SLC25A48: variants seen among roughly 807,000 people sequenced by gnomAD.
The protein encoded by SLC25A48 is solute carrier family 25 member 48.
Under a neutral mutation model 32.2 loss-of-function variants are expected in SLC25A48, and 29 were observed. That is an observed-to-expected ratio of 0.90 (90% CI 0.67 to 1.23). The LOEUF (loss-of-function observed/expected upper bound fraction) is 1.23. SLC25A48 is among the 50% of genes most tolerant of loss of function. The pLI is 0.00. For missense variants in SLC25A48, 399 were observed against 422.7 expected (o/e 0.94, Z 0.49); for synonymous variants, 164 against 172.3 (o/e 0.95, Z 0.38).
intron 1 of SLC25A48, among the ~76,000 whole-genome samples, chr5:135,588,442 C>T (rs1344918023): frequency 6.6e-6 from 1 of 152,220 alleles, no homozygotes; most frequent in Non-Finnish European, 1.5e-5. Flanking sequence ...TGCTGAGTGC[C>T]TGCTCTGTGC....
chr5:135,733,505 G>A (rs1755282007), intron 3 of SLC25A48, among the ~76,000 whole-genome samples: 1 of 152,202 alleles, frequency 6.6e-6, no homozygotes, highest in Non-Finnish European at 1.5e-5. Flanking sequence ...CATCAGGTGG[G>A]AGGAAGAAAA....
intron 3 of SLC25A48, among the ~76,000 whole-genome samples, chr5:135,766,644 G>T (rs1454591605): frequency 6.9e-6 from 1 of 144,134 alleles, no homozygotes; most frequent in Non-Finnish European, 1.5e-5. Flanking sequence ...TAATATCCAT[G>T]GGGGAGAGGG....
At chr5:135,750,662 G>C (rs1386409130) in intron 3 of SLC25A48, among the ~76,000 whole-genome samples, 1 of 152,130 alleles carries the variant, frequency 6.6e-6, no homozygotes, top group Non-Finnish European at 1.5e-5. Context: ...AGCACCCCCT[G>C]TATCCAATCG....
At chr5:135,787,512 GTTATA>G (rs1756879693) in intron 3 of SLC25A48, among the ~76,000 whole-genome samples, 1 of 151,970 alleles carries the variant, frequency 6.6e-6, no homozygotes, top group South Asian at 2.1e-4. Flanking sequence ...TGTATAACCT[GTTATA>G]TTATTTGTTA....
At chr5:135,788,692 G>GAGC (rs398072611) in intron 3 of SLC25A48, among the ~76,000 whole-genome samples, 2 of 150,074 alleles carry the variant, frequency 1.3e-5, no homozygotes, top group Non-Finnish European at 3.0e-5. Flanking sequence ...TAATATCCAG[G>GAGC]GGGGGAAGAG....
At chr5:135,773,554 C>A (rs76309438) in intron 3 of SLC25A48, among the ~76,000 whole-genome samples, 4,987 of 151,530 alleles carry the variant, frequency 0.033, 255 homozygotes, top group African/African-American at 0.11. Flanking sequence ...GCGATCCCCC[C>A]ACCCTGGGTA....
intron 3 of SLC25A48, among the ~76,000 whole-genome samples, chr5:135,681,043 T>G (rs186200876): frequency 6.6e-6 from 1 of 152,168 alleles, no homozygotes; most frequent in Non-Finnish European, 1.5e-5. Context: ...TAGAGTGCAA[T>G]TGCACGATCT....
chr5:135,884,089 C>A (rs906649532), intron 7 of SLC25A48, among the ~76,000 whole-genome samples: 4 of 152,192 alleles, frequency 2.6e-5, no homozygotes, highest in African/African-American at 4.8e-5. Flanking sequence ...TATTTGCCAT[C>A]CCTGGCTTAA....
chr5:135,800,338 G>T (rs1272388932), intron 3 of SLC25A48, among the ~76,000 whole-genome samples: 1 of 151,874 alleles, frequency 6.6e-6, no homozygotes, highest in Non-Finnish European at 1.5e-5. Flanking sequence ...GGGAGCAGAA[G>T]ATAATATTAT....
chr5:135,712,229 A>G (rs923751394), intron 3 of SLC25A48, among the ~76,000 whole-genome samples: 4 of 152,186 alleles, frequency 2.6e-5, no homozygotes, highest in African/African-American at 4.8e-5. Flanking sequence ...TTCACATGGA[A>G]AATTCCAGCT....
intron 5 of SLC25A48, among the ~76,000 whole-genome samples, chr5:135,873,300 C>G (rs780204434): frequency 7.9e-5 from 12 of 152,170 alleles, no homozygotes; most frequent in Non-Finnish European, 1.6e-4. Flanking sequence ...TTTTCTCTCC[C>G]CATCTAGGAA....
chr5:135,598,832 T>C (rs1037672115), intron 1 of SLC25A48, among the ~76,000 whole-genome samples: 1 of 152,104 alleles, frequency 6.6e-6, no homozygotes, highest in African/African-American at 2.4e-5. Context: ...CATAGAGGCA[T>C]CCTGTGCGCA....
At chr5:135,868,367 G>C (rs780204874) in intron 4 of SLC25A48, among the ~76,000 whole-genome samples, 1 of 152,116 alleles carries the variant, frequency 6.6e-6, no homozygotes, top group African/African-American at 2.4e-5. Context: ...ACAAAGAAAG[G>C]CTATGGAAAT....
intron 3 of SLC25A48, among the ~76,000 whole-genome samples, chr5:135,743,293 A>G (rs1028712672): frequency 6.6e-5 from 10 of 150,768 alleles, no homozygotes; most frequent in African/African-American, 2.4e-4. Flanking sequence ...GCTAGTCTGG[A>G]ACTCCCGACC....
At chr5:135,770,931 C>T (rs1254201449) in intron 3 of SLC25A48, among the ~76,000 whole-genome samples, 1 of 151,886 alleles carries the variant, frequency 6.6e-6, no homozygotes. Flanking sequence ...AATTATATTA[C>T]TTCCAATATC....
At chr5:135,785,636 AAG>A (rs1347770018) in intron 3 of SLC25A48, among the ~76,000 whole-genome samples, 1 of 141,560 alleles carries the variant, frequency 7.1e-6, no homozygotes, top group Non-Finnish European at 1.5e-5. Flanking sequence ...TATCCAGGAA[AAG>A]AGAGGGTGAT....
At chr5:135,745,978 C>T (rs56279365) in intron 3 of SLC25A48, among the ~76,000 whole-genome samples, 63,185 of 151,958 alleles carry the variant, frequency 0.42, 14,694 homozygotes, top group Non-Finnish European at 0.52. Context: ...ATTAATGTCC[C>T]TTCTGATGCT....
At chr5:135,780,160 C>CTTTTTTTTTTTTTT (rs34277772) in intron 3 of SLC25A48, among the ~76,000 whole-genome samples, 1 of 38,796 alleles carries the variant, frequency 2.6e-5, no homozygotes, top group Non-Finnish European at 6.8e-5. Context: ...GTTTCTTCGT[C>CTTTTTTTTTTTTTT]TTTTTTTTTT....
intron 3 of SLC25A48, chr5:135,653,749 G>A (rs886680256): frequency 2.2e-6 from 1 of 453,204 alleles, no homozygotes; most frequent in Admixed American, 2.4e-5. Context: ...GGAGCTGAAA[G>A]CAGTGAGAGC....
Sources: gnomAD v4.1 joint callset for allele counts (sites outside exome capture counted in the v4.1 genomes callset) on GRCh38, gnomAD v4.1.1 for gene constraint, MANE v1.5 for transcripts, NCBI Gene and HGNC (gene_info 2026-07-23, HGNC 2026-07-21) for gene names.